Variants in PES1 observed in about 807,000 individuals in gnomAD.
PES1 encodes the protein pescadillo homolog.
A neutral mutation model predicts 77.1 loss-of-function variants in PES1; 31 were observed. That is an observed-to-expected ratio of 0.40 (90% CI 0.30 to 0.54). The LOEUF is 0.54. Among genes scored for constraint, PES1 ranks in the 20% least tolerant of loss-of-function variants. The probability of loss-of-function intolerance (pLI) is 0.45; values close to 1 mark genes in which losing one functional copy is unlikely to be tolerated. For synonymous variants in PES1, 282 were observed against 303.0 expected, an observed-to-expected ratio of 0.93 and a Z score of 0.72; for missense variants, 658 against 771.7, an observed-to-expected ratio of 0.85 and a Z score of 1.75.
intron 2 of PES1, among the ~76,000 whole-genome samples, chr22:30,598,885 ATTTTTTTTTTTTTTTTTTTTTTT>A (rs71200084): frequency 2.0e-5 from 1 of 51,190 alleles, no homozygotes; most frequent in Non-Finnish European, 3.4e-5. Context: ...CTTAAGTAAA[ATTTTTTTTTTTTTTTTTTTTTTT>A]TTTTTTGAGA....
At chr22:30,605,234 C>G (rs1018882564) in intron 2 of PES1, among the ~76,000 whole-genome samples, 1 of 152,206 alleles carries the variant, frequency 6.6e-6, no homozygotes, top group African/African-American at 2.4e-5. Context: ...CTTGTGGGCT[C>G]AAGCAATCCT....
In PES1 at chr22:30,579,672, AG is replaced by A; in HGVS notation, c.1354+78del. ...TCTGCTCCTACTGCCTGTTCCCTGG[AG>A]CTTTCCACCTTGGCAGCTAAGGGAA... is the stretch of plus-strand genomic sequence containing the variant. On this transcript the variant is annotated intron_variant, in intron 12 of 14. Coordinates refer to ENST00000354694, the MANE Select transcript of PES1 (RefSeq NM_014303.4). The A allele has an allele frequency of 2.9e-6, 4 of 1,397,954 alleles. No homozygotes were observed. In the South Asian group the frequency reaches 5.0e-5, roughly 18 times the overall value. The allele number at this position is 1,397,954 out of a possible 1,614,324, so 86.6% of individuals were successfully genotyped here. A position where few individuals can be genotyped will look rare whatever the true frequency, so the allele number is the denominator to read the frequency against.
intron 2 of PES1, among the ~76,000 whole-genome samples, 172 bp downstream of exon 2, chr22:30,589,019 T>C (rs1360265457): frequency 6.6e-6 from 1 of 150,658 alleles, no homozygotes; most frequent in Non-Finnish European, 1.5e-5. Flanking sequence ...TCTCCTCCAT[T>C]TTCCCTTGGA....
At chr22:30,598,661 T>G (rs1363557147) in intron 2 of PES1, among the ~76,000 whole-genome samples, 3 of 151,992 alleles carry the variant, frequency 2.0e-5, no homozygotes, top group Non-Finnish European at 4.4e-5. Context: ...ACTCCTTACC[T>G]TAAGTGACCC....
intron 2 of PES1, among the ~76,000 whole-genome samples, chr22:30,602,169 T>A (rs1401373799): frequency 1.3e-5 from 2 of 152,092 alleles, no homozygotes. Context: ...AGACACCTGG[T>A]GGGAGGTGAC....
chr22:30,599,728 CG>C (rs1569032255), intron 2 of PES1, among the ~76,000 whole-genome samples: 1 of 151,830 alleles, frequency 6.6e-6, no homozygotes, highest in African/African-American at 2.4e-5. Flanking sequence ...GGAGAAACCC[CG>C]TCTCTACTAA....
intron 14 of PES1, 145 bp downstream of exon 14, chr22:30,578,692 G>A: frequency 1.1e-6 from 1 of 942,472 alleles, no homozygotes; most frequent in Non-Finnish European, 1.6e-6. Context: ...GGCCCCAAAG[G>A]CTGGGCTGGG....
intron 2 of PES1, among the ~76,000 whole-genome samples, chr22:30,605,027 T>G (rs2087416155): frequency 1.3e-5 from 2 of 152,158 alleles, no homozygotes; most frequent in Admixed American, 1.3e-4. Flanking sequence ...AGGGTCTCCT[T>G]CTGTCGCCCA....
Position 30,591,835 on chromosome 22 carries a change from G to T in PES1, c.-2C>A, listed in dbSNP as rs201348814. 16 of 1,559,194 alleles carry T rather than the reference G, an allele frequency of 1.0e-5. No homozygotes were observed. Among genetic ancestry groups the T allele is most frequent in the East Asian group, 9.5e-5 (4 of 42,016 alleles). ...CTTCTTCTTCTCAAGGCCTCCCATC[G>T]CTCCACGTTGAGGAGCCGACTAGGG... On this transcript the variant is annotated 5_prime_UTR_variant, in exon 1 of 15. Coordinates refer to ENST00000354694, the MANE Select transcript of PES1 (RefSeq NM_014303.4).
chr22:30,604,444 C>T (rs1373226483), intron 2 of PES1, among the ~76,000 whole-genome samples: 2 of 151,856 alleles, frequency 1.3e-5, no homozygotes, highest in Non-Finnish European at 2.9e-5. Context: ...ACCAACCTGG[C>T]CAACAGGGTG....
intron 4 of PES1, among the ~76,000 whole-genome samples, chr22:30,586,117 T>C (rs1196853267): frequency 6.6e-6 from 1 of 152,230 alleles, no homozygotes. Flanking sequence ...TGGTGTAGTA[T>C]GAGATCACCA....
At chr22:30,588,325 C>T (rs1009269348) in intron 2 of PES1, 151 bp from the exon 3 acceptor site, 19 of 847,826 alleles carry the variant, frequency 2.2e-5, no homozygotes, top group Non-Finnish European at 3.5e-5. Context: ...CTGACAGTCA[C>T]AATCATAAAA....
At chr22:30,594,756 C>T (rs1416830627), upstream of PES1, among the ~76,000 whole-genome samples, 4 of 151,818 alleles carry the variant, frequency 2.6e-5, no homozygotes, top group Non-Finnish European at 4.4e-5. Context: ...ATCACTTGAG[C>T]CCAGGAGTTT....
chr22:30,595,182 T>A (rs1455810564), upstream of PES1, among the ~76,000 whole-genome samples: 1 of 151,974 alleles, frequency 6.6e-6, no homozygotes. Context: ...TTGCTCCTGA[T>A]CACTCTGGGA....
chr22:30,589,770 T>G (rs2087151005), intron 1 of PES1, among the ~76,000 whole-genome samples: 2 of 151,072 alleles, frequency 1.3e-5, no homozygotes, highest in Non-Finnish European at 2.9e-5. Context: ...TAAGCCAGTG[T>G]TCCTAATCTT....
At chr22:30,589,422 T>C in intron 1 of PES1, 152 bp from the exon 2 acceptor site, 1 of 650,624 alleles carries the variant, frequency 1.5e-6, no homozygotes, top group Non-Finnish European at 2.7e-6. Flanking sequence ...GGAGCCGACC[T>C]GCCTGGATGA....
chr22:30,585,240 C>G (rs1448995412), intron 4 of PES1: 4 of 471,274 alleles, frequency 8.5e-6, no homozygotes, highest in Non-Finnish European at 1.8e-5. Context: ...TTGGACATGT[C>G]TAGTTGGCAG....
intron 1 of PES1, chr22:30,606,451 A>C (rs997637447): frequency 6.6e-6 from 1 of 152,064 alleles, no homozygotes; most frequent in African/African-American, 2.4e-5. Context: ...GTGTTTCCCC[A>C]TGTTGCCCAG....
chr22:30,604,189 T>C (rs1241654282), intron 2 of PES1: 1 of 152,198 alleles, frequency 6.6e-6, no homozygotes, highest in African/African-American at 2.4e-5. Flanking sequence ...CATAGCTCTT[T>C]TAGGCAACAG....
Sources: allele counts gnomAD v4.1 joint callset (sites outside exome capture counted in the v4.1 genomes callset), GRCh38; gene constraint gnomAD v4.1.1; transcripts MANE v1.5; gene names NCBI Gene and HGNC (gene_info 2026-07-23, HGNC 2026-07-21).